Variants in RAD51B observed in about 807,000 individuals in gnomAD.
RAD51B encodes the protein DNA repair protein RAD51 homolog 2.
A neutral mutation model predicts 42.2 loss-of-function variants in RAD51B; 38 were observed. The observed-to-expected ratio is 0.90, with a 90% CI of 0.70 to 1.18. The LOEUF (loss-of-function observed/expected upper bound fraction) is 1.18. RAD51B is among the 50% of genes most tolerant of loss of function. RAD51B has a pLI of 0.00. For missense variants in RAD51B, 373 were observed against 400.7 expected, an observed-to-expected ratio of 0.93 and a Z score of 0.59; for synonymous variants, 154 against 145.2, an observed-to-expected ratio of 1.06 and a Z score of -0.43.
intron 7 of RAD51B, among the ~76,000 whole-genome samples, chr14:67,931,983 C>T (rs1207815427): frequency 2.0e-5 from 3 of 151,496 alleles, no homozygotes; most frequent in Non-Finnish European, 4.4e-5. Flanking sequence ...TTTTCTTCAA[C>T]TTTTGTTTTA....
chr14:67,972,349 A>T (rs886494696), intron 7 of RAD51B, among the ~76,000 whole-genome samples: 2 of 152,054 alleles, frequency 1.3e-5, no homozygotes, highest in African/African-American at 4.8e-5. Flanking sequence ...ACACCTAAGA[A>T]GTTTAAGTTT....
chr14:67,905,073 G>T (rs2043740650), intron 7 of RAD51B, among the ~76,000 whole-genome samples: 2 of 151,726 alleles, frequency 1.3e-5, no homozygotes, highest in Admixed American at 1.3e-4. Flanking sequence ...AGGCCATCTT[G>T]AGTTGGTTTC....
chr14:68,309,103 A>G (rs985245578), intron 8 of RAD51B, among the ~76,000 whole-genome samples: 1 of 152,168 alleles, frequency 6.6e-6, no homozygotes, highest in African/African-American at 2.4e-5. Flanking sequence ...TTTCATATTT[A>G]TCTCTTAGAA....
At chr14:67,871,656 A>G (rs950163930) in intron 5 of RAD51B, among the ~76,000 whole-genome samples, 6 of 152,094 alleles carry the variant, frequency 3.9e-5, no homozygotes, top group African/African-American at 1.4e-4. Flanking sequence ...TTAGACCAAT[A>G]TCCTTGATGA....
At chr14:68,355,482 A>AT (rs200210057) in intron 8 of RAD51B, among the ~76,000 whole-genome samples, 9,304 of 152,204 alleles carry the variant, frequency 0.061, 417 homozygotes, top group African/African-American at 0.13. Flanking sequence ...TCTATTCCTG[A>AT]TATTAATAAA....
chr14:67,875,819 CAGCCA>C (rs1325878906), intron 5 of RAD51B, among the ~76,000 whole-genome samples: 1 of 152,122 alleles, frequency 6.6e-6, no homozygotes, highest in Non-Finnish European at 1.5e-5. Context: ...TGGTAGTGGC[CAGCCA>C]TGACTCAGGC....
intron 7 of RAD51B, among the ~76,000 whole-genome samples, chr14:67,986,660 A>T (rs1009361704): frequency 2.6e-5 from 4 of 152,188 alleles, no homozygotes; most frequent in Non-Finnish European, 5.9e-5. Context: ...AAGATCTCTT[A>T]TTATCCTTTT....
Position 67,925,545 on chromosome 14 carries a change from A to G in RAD51B, c.756+38341A>G, listed in dbSNP as rs556069540. On this transcript the variant is annotated intron_variant, in intron 7 of 10. Transcript: ENST00000471583. ...CTCAGCCTCCCAAAGTGCTGGGATT[A>G]CAGGCATGAGCTACTGTGCTTGACC... Among the ~76,000 whole-genome samples, 11 of 152,284 alleles carry G rather than the reference A, an allele frequency of 7.2e-5. No individual in the cohort carries two copies. In the East Asian group the frequency reaches 1.4e-3, roughly 19 times the overall value.
intron 7 of RAD51B, among the ~76,000 whole-genome samples, chr14:68,104,734 G>C (rs1341138921): frequency 1.3e-5 from 2 of 152,106 alleles, no homozygotes; most frequent in Non-Finnish European, 2.9e-5. Context: ...TGGATTACAA[G>C]AAATCCACGA....
intron 8 of RAD51B, among the ~76,000 whole-genome samples, chr14:68,311,620 G>A (rs1231390872): frequency 6.6e-6 from 1 of 152,250 alleles, no homozygotes; most frequent in East Asian, 1.9e-4. Flanking sequence ...CAGGTGTGGT[G>A]GCTTAAGCCT....
At position 68,663,211 on chromosome 14, in the gene RAD51B, A is replaced by G. The variant is rs1453018631; in HGVS notation, c.*11+12355A>G. 2.0e-5 allele frequency among the ~76,000 whole-genome samples: 3 copies of G among 152,156 alleles called. No individual in the cohort carries two copies. The East Asian group carries it at 5.8e-4, about 29-fold the overall frequency. ...CAGCTACTCAGGAGGCTGAGGCAGG[A>G]GAGTTGCTTGAAACCAGCAGGGTTG... On this transcript the variant is annotated intron_variant, in intron 11 of 11. Transcript: ENST00000488612.
At chr14:68,374,986 C>CCATTA (rs2083337305) in intron 8 of RAD51B, among the ~76,000 whole-genome samples, 1 of 151,506 alleles carries the variant, frequency 6.6e-6, no homozygotes, top group African/African-American at 2.4e-5. Flanking sequence ...ATAATCACAC[C>CCATTA]CATTAGCTCA....
chr14:68,053,337 G>C (rs1198145954), intron 7 of RAD51B, among the ~76,000 whole-genome samples: 1 of 152,202 alleles, frequency 6.6e-6, no homozygotes, highest in Non-Finnish European at 1.5e-5. Flanking sequence ...GAATGCCTAA[G>C]TGAATCTTTG....
At chr14:68,650,440 C>T (rs1343652274) in intron 10 of RAD51B, among the ~76,000 whole-genome samples, 1 of 152,182 alleles carries the variant, frequency 6.6e-6, no homozygotes, top group Non-Finnish European at 1.5e-5. Context: ...ACAGTACCAG[C>T]CTGACACATA....
At chr14:68,445,239 C>A in intron 9 of RAD51B, among the ~76,000 whole-genome samples, 1 of 152,160 alleles carries the variant, frequency 6.6e-6, no homozygotes, top group Non-Finnish European at 1.5e-5. Flanking sequence ...TTCTCAGCTT[C>A]ACATGGCTGT....
At chr14:68,439,470 A>C (rs2085231440) in intron 9 of RAD51B, among the ~76,000 whole-genome samples, 1 of 149,122 alleles carries the variant, frequency 6.7e-6, no homozygotes, top group Non-Finnish European at 1.5e-5. Context: ...TTGAACTACC[A>C]GGATATGTCC....
Position 68,214,903 on chromosome 14 carries a change from T to G in RAD51B, c.757-76981T>G, listed in dbSNP as rs533939006. On this transcript the variant is annotated intron_variant, in intron 7 of 10. Transcript: ENST00000471583. ...CAGCCTTCTTTTATTTCAACTTTGT[T>G]GTTTTGCCTTTATACTGTGAATTAA... Among the ~76,000 whole-genome samples the G allele has an allele frequency of 3.3e-5, 5 of 152,350 alleles. No homozygotes were observed. The Middle Eastern group carries it at 0.014, about 415-fold the overall frequency.
At chr14:68,010,608 A>G (rs945440441) in intron 7 of RAD51B, among the ~76,000 whole-genome samples, 2 of 151,880 alleles carry the variant, frequency 1.3e-5, no homozygotes, top group Non-Finnish European at 3.0e-5. Context: ...GCTTATAGAT[A>G]TTCTTGTAAA....
downstream of RAD51B, among the ~76,000 whole-genome samples, chr14:68,614,856 A>G (rs759107564): frequency 5.9e-5 from 9 of 152,224 alleles, no homozygotes; most frequent in African/African-American, 4.8e-5. Flanking sequence ...TGGATTTTCA[A>G]TACTCTTGGG....
Sources: allele counts gnomAD v4.1 joint callset (sites outside exome capture counted in the v4.1 genomes callset), GRCh38; gene constraint gnomAD v4.1.1; transcripts MANE v1.5; gene names NCBI Gene and HGNC (gene_info 2026-07-23, HGNC 2026-07-21).